The following TOP2B variants were observed in gnomAD, a reference collection of about 807,000 sequenced individuals.
TOP2B encodes DNA topoisomerase II beta.
TOP2B carries 51 observed loss-of-function variants against 193.5 expected under a neutral mutation model. The observed-to-expected ratio is 0.26, with a 90% CI of 0.21 to 0.33. The LOEUF is 0.33. TOP2B is among the 10% of genes least tolerant of loss of function. The pLI is 1.00. For missense variants in TOP2B, 1,378 were observed against 1,909.3 expected, an observed-to-expected ratio of 0.72 and a Z score of 5.19; for synonymous variants, 634 against 635.7, an observed-to-expected ratio of 1.00 and a Z score of 0.04.
intron 1 of TOP2B, among the ~76,000 whole-genome samples, chr3:25,661,982 A>G (rs1054149291): frequency 6.6e-6 from 1 of 152,222 alleles, no homozygotes; most frequent in Non-Finnish European, 1.5e-5. Flanking sequence ...CTCAAAACAG[A>G]TGACCACTGC....
At position 25,615,584 on chromosome 3, in the gene TOP2B, T is replaced by C. The variant is rs766625414; in HGVS notation, c.3354A>G (p.Ala1118=). ...VKAWKEAQEK[A]AEEDETQNQH... is the part of the protein sequence containing the mutation. ...GGTTTTGTGTTTCATCCTCTTCTGC[T>C]GCCTGTAAAAAATAACAAACTGTAT... The change falls in exon 26 of 36, where the codon GCA becomes GCG. Residue 1118 remains alanine, a splice_region_variant and synonymous_variant. Transcript: ENST00000264331. 4 of 1,530,910 alleles carry C rather than the reference T, an allele frequency of 2.6e-6. No individual in the cohort carries two copies. The African/African-American group carries it at 4.2e-5, about 16-fold the overall frequency. The allele number at this position is 1,530,910 out of a possible 1,614,324, so 94.8% of individuals were successfully genotyped here.
chr3:25,620,018 A>T lies in TOP2B; in HGVS notation c.2907T>A (p.Asp969Glu). ...QVLEPMLNGT[D>E]KTPALISDYK... ...AATCAGAAATTAATGCTGGTGTTTT[A>T]TCTGTTCCATTTAGCATAGGTTCTA... Residue 969 changes from aspartate to glutamate, a missense_variant, in exon 23 of 36, where the codon GAT becomes GAA. Transcript: ENST00000264331. The T allele has an allele frequency of 6.3e-7, 1 of 1,580,568 alleles. No homozygotes were observed. Among genetic ancestry groups the T allele is most frequent in the Non-Finnish European group, 8.6e-7 (1 of 1,158,194 alleles).
At chr3:25,633,779 T>C in intron 8 of TOP2B, 62 bp downstream of exon 8, 7 of 1,372,600 alleles carry the variant, frequency 5.1e-6, no homozygotes, top group Non-Finnish European at 6.8e-6. Flanking sequence ...TTATTTGTTT[T>C]GTAGTTTTTA....
intron 32 of TOP2B, among the ~76,000 whole-genome samples, chr3:25,605,518 G>C (rs1442268546): frequency 6.6e-6 from 1 of 151,976 alleles, no homozygotes; most frequent in African/African-American, 2.4e-5. Flanking sequence ...TAAATGTATA[G>C]ATGTGTGTAT....
At chr3:25,622,566 G>T (rs1315031020) in intron 21 of TOP2B, among the ~76,000 whole-genome samples, 1 of 151,112 alleles carries the variant, frequency 6.6e-6, no homozygotes, top group African/African-American at 2.4e-5. Flanking sequence ...AGGAAGGAAG[G>T]ACATTTTTCT....
In TOP2B at chr3:25,640,941, T is replaced by TTTG. The variant is rs535028568; in HGVS notation, c.395+1378_395+1380dup. ...TGCCCAGATAATTTTGGTGTTTTTG[T>TTTG]TTGTTTGTTTGTTTGTTTTTTGTAG... On this transcript the variant is annotated intron_variant, in intron 4 of 35. Transcript: ENST00000264331. 5.5e-4 allele frequency among the ~76,000 whole-genome samples: 83 copies of TTTG among 151,264 alleles called. 1 individual carries two copies. The highest frequency in any genetic ancestry group is 8.7e-4 in the Non-Finnish European group (59 of 67,878).
At chr3:25,602,936 A>G (rs1233305802) in intron 33 of TOP2B, among the ~76,000 whole-genome samples, 1 of 152,178 alleles carries the variant, frequency 6.6e-6, no homozygotes, top group Non-Finnish European at 1.5e-5. Context: ...TATTGGAATT[A>G]TATTTCGTAA....
intron 6 of TOP2B, 132 bp downstream of exon 6, chr3:25,637,083 G>T: frequency 1.5e-6 from 1 of 668,124 alleles, no homozygotes. Context: ...CTGATGATTT[G>T]ACTTGGATAA....
At chr3:25,659,525 G>C (rs926054187) in intron 1 of TOP2B, among the ~76,000 whole-genome samples, 2 of 152,290 alleles carry the variant, frequency 1.3e-5, no homozygotes, top group South Asian at 2.1e-4. Flanking sequence ...CCATGAAATA[G>C]ACACTGTTAT....
intron 1 of TOP2B, among the ~76,000 whole-genome samples, chr3:25,646,724 T>C (rs1703424850): frequency 6.6e-6 from 1 of 152,216 alleles, no homozygotes; most frequent in Admixed American, 6.5e-5. Flanking sequence ...ACAAGCAGTA[T>C]GCAATTTCAA....
chr3:25,649,974 C>T (rs553445785), intron 1 of TOP2B, among the ~76,000 whole-genome samples: 1 of 152,234 alleles, frequency 6.6e-6, no homozygotes, highest in East Asian at 1.9e-4. Context: ...CTCTGAAGAA[C>T]CAAGGGTCTT....
chr3:25,634,950 CCT>C (rs1703065538), intron 7 of TOP2B, among the ~76,000 whole-genome samples: 1 of 151,938 alleles, frequency 6.6e-6, no homozygotes, highest in Non-Finnish European at 1.5e-5. Context: ...AGGTCAAACC[CCT>C]GAGATACAGG....
intron 28 of TOP2B, among the ~76,000 whole-genome samples, chr3:25,612,259 C>A (rs1249478805): frequency 6.6e-6 from 1 of 152,074 alleles, no homozygotes; most frequent in African/African-American, 2.4e-5. Flanking sequence ...AAGATTTTAA[C>A]TTAGAAGGCA....
At chr3:25,619,772 C>A (rs574046961) in intron 23 of TOP2B, 90 bp downstream of exon 23, 69 of 759,388 alleles carry the variant, frequency 9.1e-5, no homozygotes, top group Non-Finnish European at 1.3e-4. Context: ...TTCAGGCTTA[C>A]TATAGCCACT....
At chr3:25,623,274 T>C (rs1702710243) in intron 21 of TOP2B, among the ~76,000 whole-genome samples, 1 of 152,194 alleles carries the variant, frequency 6.6e-6, no homozygotes, top group African/African-American at 2.4e-5. Context: ...TTTGAAAACC[T>C]GGAATATGAG....
intron 25 of TOP2B, among the ~76,000 whole-genome samples, chr3:25,617,972 CAT>C (rs1011236649): frequency 2.6e-5 from 4 of 152,250 alleles, no homozygotes; most frequent in Admixed American, 2.0e-4. Flanking sequence ...TAATAATTAA[CAT>C]TTTGTCTCTT....
At chr3:25,632,220 T>G (rs886619871) in intron 10 of TOP2B, among the ~76,000 whole-genome samples, 1 of 152,012 alleles carries the variant, frequency 6.6e-6, no homozygotes, top group Admixed American at 6.6e-5. Context: ...AAAAATGCAA[T>G]TAGTTACATA....
chr3:25,603,295 G>A (rs1702154221), intron 33 of TOP2B, among the ~76,000 whole-genome samples: 1 of 152,138 alleles, frequency 6.6e-6, no homozygotes, highest in Non-Finnish European at 1.5e-5. Context: ...CTGGAGTGCA[G>A]TGGTGCCATC....
chr3:25,618,603 G>GT lies in TOP2B; in HGVS notation c.3259+50dup, dbSNP rs3835194. Reference sequence around the variant, plus strand: ...GATAAAAATGTCTTCTATTAATAAAGTTTTTTTTCCATTTTAACTAATGTT... The same window carrying GT: ...GATAAAAATGTCTTCTATTAATAAAGTTTTTTTTTCCATTTTAACTAATGTT... On this transcript the variant is annotated intron_variant, in intron 24 of 35. Coordinates refer to ENST00000264331, the MANE Select transcript of TOP2B (RefSeq NM_001330700.2). 0.28 allele frequency: 427,083 copies of GT among 1,530,922 alleles called. 60,167 individuals carry two copies. The highest frequency in any genetic ancestry group is 0.41 in the African/African-American group (29,304 of 70,952). The allele number at this position is 1,530,922 out of a possible 1,614,324, so 94.8% of individuals were successfully genotyped here.
Sources: gnomAD v4.1 joint callset for allele counts (sites outside exome capture counted in the v4.1 genomes callset) on GRCh38, gnomAD v4.1.1 for gene constraint, MANE v1.5 for transcripts, NCBI Gene and HGNC (gene_info 2026-07-23, HGNC 2026-07-21) for gene names.